The following CSMD3 variants were observed in gnomAD, a reference collection of about 807,000 sequenced individuals.
The protein encoded by CSMD3 is CUB and sushi domain-containing protein 3.
Under a neutral mutation model 435.2 loss-of-function variants are expected in CSMD3, and 177 were observed. That is an observed-to-expected ratio of 0.41 (90% CI 0.36 to 0.46). CSMD3 has a LOEUF of 0.46. Ranked by LOEUF, CSMD3 falls within the 20% of genes least tolerant of loss-of-function variation. The pLI, the probability that CSMD3 is intolerant of heterozygous loss-of-function variation, is 0.34. For synonymous variants in CSMD3, 1,656 were observed against 1,520.5 expected (o/e 1.09, Z -2.07); for missense variants, 4,265 against 4,504.6 (o/e 0.95, Z 1.52).
chr8:113,227,631 T>A (rs1183238566), intron 3 of CSMD3, among the ~76,000 whole-genome samples: 1 of 151,524 alleles, frequency 6.6e-6, no homozygotes, highest in Non-Finnish European at 1.5e-5. Flanking sequence ...TCTCATGAGA[T>A]CTGATTGTTT....
intron 5 of CSMD3, among the ~76,000 whole-genome samples, chr8:113,044,967 T>G (rs1412936974): frequency 6.7e-6 from 1 of 149,242 alleles, no homozygotes; most frequent in Non-Finnish European, 1.5e-5. Flanking sequence ...TCCTTAAATA[T>G]TCAGCTCAAA....
chr8:112,436,278 A>C (rs1814337242), intron 32 of CSMD3, among the ~76,000 whole-genome samples: 1 of 151,956 alleles, frequency 6.6e-6, no homozygotes, highest in African/African-American at 2.4e-5. Context: ...TGTATATTAA[A>C]GTAAATATAA....
chr8:112,226,827 A>G (rs1349984085), intron 70 of CSMD3, among the ~76,000 whole-genome samples: 1 of 152,174 alleles, frequency 6.6e-6, no homozygotes, highest in African/African-American at 2.4e-5. Context: ...AATTATGAAA[A>G]TGGAAATCAA....
At chr8:113,355,314 T>G (rs560215113) in intron 1 of CSMD3, among the ~76,000 whole-genome samples, 3 of 152,120 alleles carry the variant, frequency 2.0e-5, no homozygotes, top group Middle Eastern at 3.4e-3. Context: ...TCACAGGTTT[T>G]CTTAGTCAGT....
At chr8:113,252,870 G>T (rs547519389) in intron 3 of CSMD3, among the ~76,000 whole-genome samples, 16 of 152,104 alleles carry the variant, frequency 1.1e-4, no homozygotes, top group Admixed American at 8.5e-4. Context: ...AGATATTATG[G>T]AAGCCCCACA....
intron 32 of CSMD3, among the ~76,000 whole-genome samples, chr8:112,444,976 C>T (rs2130539334): frequency 6.6e-6 from 1 of 152,212 alleles, no homozygotes; most frequent in South Asian, 2.1e-4. Flanking sequence ...ATTGTGGTGA[C>T]TCATGCCTAT....
chr8:112,751,780 C>T (rs2077577416), intron 13 of CSMD3, among the ~76,000 whole-genome samples: 1 of 151,982 alleles, frequency 6.6e-6, no homozygotes, highest in African/African-American at 2.4e-5. Context: ...CTCTACCTAC[C>T]AACTTCTATT....
At position 113,345,422 on chromosome 8, in the gene CSMD3, C is replaced by T. The variant is rs375532497; in HGVS notation, c.179-30629G>A. ...ATAAATCTATATAAAATTCAATGTA[C>T]TTAATATGACTGTACATGCTAAACA... On this transcript the variant is annotated intron_variant, in intron 1 of 70. Transcript: ENST00000297405. Among the ~76,000 whole-genome samples, 3 of 152,224 alleles carry T rather than the reference C, an allele frequency of 2.0e-5. No homozygotes were observed. In the East Asian group the frequency reaches 5.8e-4, roughly 29 times the overall value.
chr8:113,378,708 C>A (rs72670798), intron 1 of CSMD3, among the ~76,000 whole-genome samples: 14 of 151,890 alleles, frequency 9.2e-5, no homozygotes, highest in African/African-American at 3.1e-4. Flanking sequence ...TATTGCCACT[C>A]CCCACCATGG....
At chr8:112,754,763 C>G (rs965498895) in intron 13 of CSMD3, among the ~76,000 whole-genome samples, 2 of 152,090 alleles carry the variant, frequency 1.3e-5, no homozygotes, top group African/African-American at 4.8e-5. Flanking sequence ...TTTGATGAAG[C>G]CCCTAAACCT....
chr8:113,397,865 T>TAAAGAAAGAAAG (rs200000234), intron 1 of CSMD3, among the ~76,000 whole-genome samples: 10 of 134,038 alleles, frequency 7.5e-5, no homozygotes, highest in African/African-American at 2.6e-4. Context: ...AATAAATAAA[T>TAAAGAAAGAAAG]AAAGAACACA....
intron 1 of CSMD3, among the ~76,000 whole-genome samples, chr8:113,320,128 AC>A (rs1366141226): frequency 6.6e-6 from 1 of 152,100 alleles, no homozygotes; most frequent in Non-Finnish European, 1.5e-5. Context: ...CTATGAGAAC[AC>A]ATAGAAGTAA....
chr8:113,306,136 G>T (rs2093818984), intron 2 of CSMD3, among the ~76,000 whole-genome samples: 1 of 151,904 alleles, frequency 6.6e-6, no homozygotes, highest in African/African-American at 2.4e-5. Flanking sequence ...CTTATTTATT[G>T]AGAAATAATA....
intron 4 of CSMD3, among the ~76,000 whole-genome samples, chr8:113,131,918 T>TTCCTGGCCTCAAGC: frequency 6.6e-6 from 1 of 152,156 alleles, no homozygotes; most frequent in African/African-American, 2.4e-5. Flanking sequence ...TGGTCTCAAA[T>TTCCTGGCCTCAAGC]TCCTGGCCTC....
At chr8:113,408,884 C>T (rs1324869814) in intron 1 of CSMD3, among the ~76,000 whole-genome samples, 3 of 151,990 alleles carry the variant, frequency 2.0e-5, no homozygotes, top group East Asian at 3.9e-4. Flanking sequence ...AGGCTGCTCT[C>T]GAACTCCTGA....
chr8:112,694,740 T>G (rs559901477), intron 13 of CSMD3, among the ~76,000 whole-genome samples: 1 of 152,282 alleles, frequency 6.6e-6, no homozygotes, highest in Non-Finnish European at 1.5e-5. Context: ...TTATAAAGTC[T>G]TAATCACCAT....
At chr8:112,642,080 T>TTA (rs570247029) in intron 20 of CSMD3, among the ~76,000 whole-genome samples, 3,285 of 150,996 alleles carry the variant, frequency 0.022, 122 homozygotes, top group Admixed American at 0.099. Flanking sequence ...TAATTTATGT[T>TTA]TATATATATA....
Position 113,264,809 on chromosome 8 carries a change from CAT to C in CSMD3, c.514+13781_514+13782del, listed in dbSNP as rs555079596. ...AAATTCTAAGTGATTAAATATAGCT[CAT>C]GTCTGCCTTTTAACACAAACACATT... On this transcript the variant is annotated intron_variant, in intron 3 of 70. Transcript: ENST00000297405. Among the ~76,000 whole-genome samples, 195 of 151,632 alleles carry C rather than the reference CAT, an allele frequency of 1.3e-3. 1 individual carries two copies. The highest frequency in any genetic ancestry group is 4.3e-3 in the African/African-American group (178 of 41,450).
chr8:112,422,132 C>T (rs932295753), intron 32 of CSMD3, among the ~76,000 whole-genome samples: 2 of 151,918 alleles, frequency 1.3e-5, no homozygotes, highest in African/African-American at 2.4e-5. Flanking sequence ...ACTGAGAAAA[C>T]TTAAGGTCAA....
Sources: gnomAD v4.1 joint callset for allele counts (sites outside exome capture counted in the v4.1 genomes callset) on GRCh38, gnomAD v4.1.1 for gene constraint, MANE v1.5 for transcripts, NCBI Gene and HGNC (gene_info 2026-07-23, HGNC 2026-07-21) for gene names.